The following NTRK3 variants were observed in gnomAD, a reference collection of about 807,000 sequenced individuals.
NTRK3 encodes neurotrophic receptor tyrosine kinase 3, also known as NT-3 growth factor receptor.
In NTRK3, 24 loss-of-function variants were observed where a neutral mutation model predicts 91.7. That is an observed-to-expected ratio of 0.26 (90% CI 0.19 to 0.37). NTRK3 has a LOEUF of 0.37. Among genes scored for constraint, NTRK3 ranks in the 10% least tolerant of loss-of-function variants. The pLI, the probability that NTRK3 is intolerant of heterozygous loss-of-function variation, is 1.00. For missense variants in NTRK3, 880 were observed against 1,068.9 expected (o/e 0.82, Z 2.46); for synonymous variants, 483 against 404.0 (o/e 1.20, Z -2.34).
At chr15:88,134,019 A>G (rs2041637671) in intron 10 of NTRK3, among the ~76,000 whole-genome samples, 1 of 152,192 alleles carries the variant, frequency 6.6e-6, no homozygotes, top group African/African-American at 2.4e-5. Flanking sequence ...TGTGAAGTTG[A>G]CTTCATAAAA....
intron 14 of NTRK3, among the ~76,000 whole-genome samples, chr15:88,011,963 C>T (rs1372987815): frequency 6.6e-6 from 1 of 152,278 alleles, no homozygotes; most frequent in African/African-American, 2.4e-5. Flanking sequence ...TTAACACACA[C>T]GAAGACCCAG....
In NTRK3 at chr15:87,936,123, G is replaced by C. The variant is rs76816868; in HGVS notation, c.1717-2939C>G. On this transcript the variant is annotated intron_variant, in intron 15 of 18. Transcript: ENST00000394480. ...GTCCACATTTAACATCTTCATGTCT[G>C]GGAAACCTCAAAATGGGTCACCAGT... 2.6e-5 allele frequency among the ~76,000 whole-genome samples: 4 copies of C among 152,072 alleles called. No individual in the cohort carries two copies. In the East Asian group the frequency reaches 5.8e-4, roughly 22 times the overall value.
rs527991294 is a variant in NTRK3, at chr15:88,255,975, T to C, written c.179A>G (p.Gln60Arg). The C allele has an allele frequency of 4.3e-6, 7 of 1,613,386 alleles. No individual in the cohort carries two copies. The Admixed American group carries it at 1.2e-4, about 27-fold the overall frequency. The change falls in exon 3 of 19, where the codon CAG becomes CGG. Residue 60 changes from glutamine to arginine, a missense_variant. Coordinates refer to ENST00000394480, the Ensembl canonical transcript of NTRK3. This position sits in a 1 kb window ranked among gnomAD's most constrained non-coding sequence, Gnocchi z 4.3. Reference sequence around the variant, plus strand: ...GTTCCCATTGCTGTTCCCTGAATCCTGCCCTTCCAGGAGGGGGAAGAGGTT... The same window carrying C: ...GTTCCCATTGCTGTTCCCTGAATCCCGCCCTTCCAGGAGGGGGAAGAGGTT...
chr15:88,061,380 T>G lies in NTRK3; in HGVS notation c.1397-28335A>C, dbSNP rs1055805236. Among the ~76,000 whole-genome samples, 20 of 152,344 alleles carry G rather than the reference T, an allele frequency of 1.3e-4. No homozygotes were observed. In the East Asian group the frequency reaches 3.9e-3, roughly 29 times the overall value. On this transcript the variant is annotated intron_variant, in intron 13 of 18. Coordinates refer to ENST00000394480, the Ensembl canonical transcript of NTRK3. The stretch of plus-strand genomic sequence containing the variant: ...TCCCGCCACTAAATGAATTGTCTAC[T>G]TGACCCCCAGTGGTCAGAAGGGACA...
chr15:87,883,292 C>A (rs2065353714), intron 17 of NTRK3, among the ~76,000 whole-genome samples: 1 of 148,414 alleles, frequency 6.7e-6, no homozygotes, highest in Admixed American at 6.7e-5. Flanking sequence ...ATATTTAAAG[C>A]TGGTAAAATT....
intron 14 of NTRK3, among the ~76,000 whole-genome samples, chr15:87,970,456 G>T (rs1042926038): frequency 2.0e-5 from 3 of 152,214 alleles, no homozygotes; most frequent in African/African-American, 7.2e-5. Flanking sequence ...GAAGTGGGTG[G>T]TTGACGAACA....
chr15:87,912,208 T>G (rs2067124267), intron 17 of NTRK3, among the ~76,000 whole-genome samples: 1 of 152,226 alleles, frequency 6.6e-6, no homozygotes, highest in Non-Finnish European at 1.5e-5. Context: ...TGGGTCATCC[T>G]GTTTTCCTCC....
At chr15:87,941,645 A>G (rs1218185378) in intron 14 of NTRK3, among the ~76,000 whole-genome samples, 1 of 152,208 alleles carries the variant, frequency 6.6e-6, no homozygotes, top group Admixed American at 6.5e-5. Context: ...AGAAAGACCA[A>G]TGAGATCACA....
intron 17 of NTRK3, among the ~76,000 whole-genome samples, chr15:87,915,825 T>G (rs528003534): frequency 6.6e-6 from 1 of 152,104 alleles, no homozygotes; most frequent in Non-Finnish European, 1.5e-5. Context: ...AAGAAATTGT[T>G]TTTTTTTCAG....
At chr15:87,923,508 C>T (rs1045567435) in intron 17 of NTRK3, among the ~76,000 whole-genome samples, 1 of 152,180 alleles carries the variant, frequency 6.6e-6, no homozygotes, top group South Asian at 2.1e-4. Flanking sequence ...GTGAATTCAC[C>T]TACTCATACT....
chr15:88,098,065 C>T (rs2049803410), intron 13 of NTRK3, among the ~76,000 whole-genome samples: 1 of 152,194 alleles, frequency 6.6e-6, no homozygotes, highest in African/African-American at 2.4e-5. Flanking sequence ...TTATAAAAAT[C>T]TATCTTTTCC....
intron 5 of NTRK3, among the ~76,000 whole-genome samples, chr15:88,172,411 A>G (rs1195749158): frequency 6.6e-6 from 1 of 152,208 alleles, no homozygotes; most frequent in Non-Finnish European, 1.5e-5. Context: ...GAAAAAAGAG[A>G]AGAAAATCTA....
chr15:88,011,390 G>T lies in NTRK3; in HGVS notation c.1585+21467C>A, dbSNP rs1379985401. Reference sequence around the variant, plus strand: ...GTGACTCTACTAGTAAGTCTGTAAGGACTTACAAAATATGCACATTTCCAT... The same window carrying T: ...GTGACTCTACTAGTAAGTCTGTAAGTACTTACAAAATATGCACATTTCCAT... On this transcript the variant is annotated intron_variant, in intron 14 of 18. Transcript: ENST00000394480. Among the ~76,000 whole-genome samples, 5 of 152,136 alleles carry T rather than the reference G, an allele frequency of 3.3e-5. No homozygotes were observed. In the East Asian group the frequency reaches 5.8e-4, roughly 18 times the overall value.
intron 6 of NTRK3, 126 bp downstream of exon 6, chr15:88,147,209 C>T (rs537660324): frequency 2.3e-6 from 2 of 883,272 alleles, no homozygotes; most frequent in East Asian, 5.3e-5. Flanking sequence ...CTGTGTCAAC[C>T]AACCCAAGTA....
chr15:88,109,091 C>T (rs2051035793), intron 13 of NTRK3, among the ~76,000 whole-genome samples: 1 of 152,228 alleles, frequency 6.6e-6, no homozygotes, highest in African/African-American at 2.4e-5. Flanking sequence ...TGCTTCTCCC[C>T]CAATCCATGG....
At chr15:88,030,745 G>C (rs1406981176) in intron 14 of NTRK3, among the ~76,000 whole-genome samples, 1 of 151,794 alleles carries the variant, frequency 6.6e-6, no homozygotes, top group Non-Finnish European at 1.5e-5. Flanking sequence ...ACTCAACAAG[G>C]AGATATCTGC....
chr15:87,890,083 C>T (rs534839018), intron 17 of NTRK3, among the ~76,000 whole-genome samples: 16 of 152,036 alleles, frequency 1.1e-4, no homozygotes, highest in African/African-American at 2.7e-4. Flanking sequence ...CTCTACCTGC[C>T]GCATTTCCTA....
At chr15:87,940,155 T>A (rs1596327564) in intron 15 of NTRK3, among the ~76,000 whole-genome samples, 2 of 151,178 alleles carry the variant, frequency 1.3e-5, no homozygotes, top group Admixed American at 6.6e-5. Flanking sequence ...TGCACCCCCC[T>A]CCCTCAACAT....
intron 5 of NTRK3, among the ~76,000 whole-genome samples, chr15:88,151,172 G>A (rs1378176165): frequency 2.0e-5 from 3 of 152,146 alleles, no homozygotes; most frequent in African/African-American, 7.2e-5. Context: ...ACGAGATGAT[G>A]CATCAAACTC....
Sources: allele counts gnomAD v4.1 joint callset (sites outside exome capture counted in the v4.1 genomes callset), GRCh38; gene constraint gnomAD v4.1.1; non-coding constraint Gnocchi (gnomAD v3.1); transcripts MANE v1.5; gene names NCBI Gene and HGNC (gene_info 2026-07-23, HGNC 2026-07-21).